The following FAM178B variants were observed in gnomAD, a reference collection of about 807,000 sequenced individuals.
The protein encoded by FAM178B is protein FAM178B.
FAM178B carries 82 observed loss-of-function variants against 91.7 expected under a neutral mutation model. The observed-to-expected ratio is 0.89, with a 90% CI of 0.75 to 1.07. The LOEUF is 1.07. Ranked by LOEUF, FAM178B falls within the 50% of genes least tolerant of loss-of-function variation. FAM178B has a pLI of 0.00. For synonymous variants in FAM178B, 368 were observed against 359.4 expected, an observed-to-expected ratio of 1.02 and a Z score of -0.27; for missense variants, 769 against 846.7, an observed-to-expected ratio of 0.91 and a Z score of 1.14.
At chr2:96,924,613 C>T (rs534595955) in intron 9 of FAM178B, among the ~76,000 whole-genome samples, 9 of 152,332 alleles carry the variant, frequency 5.9e-5, no homozygotes, top group South Asian at 4.1e-4. Flanking sequence ...CTCCCAGGCA[C>T]GCGCTCACAG....
At position 96,878,050 on chromosome 2, in the gene FAM178B, G is replaced by C; in HGVS notation, c.1855-8C>G. On this transcript the variant is annotated splice_region_variant and splice_polypyrimidine_tract_variant and intron_variant, in intron 15 of 16. Transcript: ENST00000490605. ...CAGCAGCTGCAGCTCGCCCTGTGGA[G>C]GCGGAGGGAGGCCAAGAAGCGGGTG... 6.2e-7 allele frequency: 1 copy of C among 1,606,200 alleles called. No individual in the cohort carries two copies. Among genetic ancestry groups the C allele is most frequent in the Non-Finnish European group, 8.5e-7 (1 of 1,179,914 alleles).
intron 1 of FAM178B, among the ~76,000 whole-genome samples, chr2:96,974,585 T>C (rs1184539164): frequency 6.6e-6 from 1 of 152,078 alleles, no homozygotes; most frequent in African/African-American, 2.4e-5. Flanking sequence ...AGATTGGCAA[T>C]ATACATTTAA....
chr2:96,944,604 A>C (rs2081791351), intron 8 of FAM178B, among the ~76,000 whole-genome samples: 1 of 152,200 alleles, frequency 6.6e-6, no homozygotes, highest in Admixed American at 6.5e-5. Flanking sequence ...CAGAATCCAG[A>C]GCCCTGAGAC....
In FAM178B at chr2:96,960,442, T is replaced by A. The variant is rs2082063500; in HGVS notation, c.735-2A>T. On this transcript the variant is annotated splice_acceptor_variant, in intron 5 of 16. Coordinates refer to ENST00000490605, the MANE Select transcript of FAM178B (RefSeq NM_001122646.3). LOFTEE classifies it high-confidence loss of function. Reference sequence around the variant, plus strand: ...ACTGAGTACTTTTCCACCAGCATCCTGGCAAGGCAAGGGGCAGGAGGGCCG... The same window carrying A: ...ACTGAGTACTTTTCCACCAGCATCCAGGCAAGGCAAGGGGCAGGAGGGCCG... 1 of 1,538,252 alleles carries A rather than the reference T, an allele frequency of 6.5e-7. No homozygotes were observed. Among genetic ancestry groups the A allele is most frequent in the African/African-American group, 1.4e-5 (1 of 72,828 alleles).
Position 96,940,197 on chromosome 2 carries a change from C to G in FAM178B, c.1078+7621G>C, listed in dbSNP as rs185910739. Among the ~76,000 whole-genome samples, 233 of 152,264 alleles carry G rather than the reference C, an allele frequency of 1.5e-3. 1 individual carries two copies. The highest frequency in any genetic ancestry group is 2.4e-3 in the Admixed American group (37 of 15,302). On this transcript the variant is annotated intron_variant, in intron 8 of 16. Coordinates refer to ENST00000490605, the MANE Select transcript of FAM178B (RefSeq NM_001122646.3). ...TCTCTGGGCCTGAGGACAATGGGAC[C>G]AGCCCTGTGGAATCAGGGAGTAAAG...
intron 5 of FAM178B, among the ~76,000 whole-genome samples, chr2:96,961,390 C>CA (rs1218162659): frequency 2.6e-5 from 4 of 152,038 alleles, no homozygotes; most frequent in Non-Finnish European, 5.9e-5. Flanking sequence ...CATGCTCAGA[C>CA]ACGTGCAACG....
intron 8 of FAM178B, among the ~76,000 whole-genome samples, chr2:96,931,486 G>A (rs996380221): frequency 1.3e-5 from 2 of 152,194 alleles, no homozygotes; most frequent in Admixed American, 6.5e-5. Flanking sequence ...AAATGTGGAA[G>A]GTGGAATGGG....
At chr2:96,950,112 G>A (rs1245445096) in intron 7 of FAM178B, 55 of 985,390 alleles carry the variant, frequency 5.6e-5, no homozygotes, top group Non-Finnish European at 6.3e-5. Context: ...GGAAGAAACC[G>A]ACACGCCCCC....
At chr2:96,887,757 A>G (rs2080564329) in intron 14 of FAM178B, among the ~76,000 whole-genome samples, 1 of 152,150 alleles carries the variant, frequency 6.6e-6, no homozygotes, top group Non-Finnish European at 1.5e-5. Flanking sequence ...AGCGTTGTCC[A>G]GGAAGAGTTA....
chr2:96,976,477 A>G (rs34434950), intron 1 of FAM178B, among the ~76,000 whole-genome samples: 123,263 of 152,028 alleles, frequency 0.81, 51,197 homozygotes, highest in Non-Finnish European at 0.88. Context: ...TAATATCCAA[A>G]AGAACTGAAA....
intron 12 of FAM178B, among the ~76,000 whole-genome samples, chr2:96,915,794 C>T (rs377205796): frequency 2.1e-5 from 3 of 144,288 alleles, no homozygotes; most frequent in Non-Finnish European, 3.0e-5. Flanking sequence ...CCAGCCTGGG[C>T]GACAGAGTGG....
intron 14 of FAM178B, among the ~76,000 whole-genome samples, chr2:96,883,632 C>A (rs914780420): frequency 6.6e-6 from 1 of 152,162 alleles, no homozygotes; most frequent in Admixed American, 6.5e-5. Flanking sequence ...GGGGGGAGAA[C>A]CAAGGCTGAC....
chr2:96,928,978 C>T (rs901579490), intron 9 of FAM178B, among the ~76,000 whole-genome samples: 5 of 152,038 alleles, frequency 3.3e-5, no homozygotes, highest in Admixed American at 1.3e-4. Flanking sequence ...AGGGAGACCC[C>T]CCCCCGCCAC....
In FAM178B at chr2:96,958,697, T is replaced by TAA. The variant is rs55924441; in HGVS notation, c.887+1589_887+1590dup. On this transcript the variant is annotated intron_variant, in intron 6 of 16. Transcript: ENST00000490605. Reference sequence around the variant, plus strand: ...AGAGTGAGACTCCATCTCAAAATACTAAAAAAAAAAAAAAAAAAAAAAAAA... The same window carrying TAA: ...AGAGTGAGACTCCATCTCAAAATACTAAAAAAAAAAAAAAAAAAAAAAAAAAA... 1.9e-3 allele frequency among the ~76,000 whole-genome samples: 106 copies of TAA among 55,528 alleles called. 7 individuals carry two copies. Among genetic ancestry groups the TAA allele is most frequent in the East Asian group, 6.7e-3 (8 of 1,186 alleles). 36.4% of individuals were successfully genotyped at this position (55,528 alleles called of 152,430 possible). A position where few individuals can be genotyped will look rare whatever the true frequency, so the allele number is the denominator to read the frequency against.
chr2:96,940,547 C>G lies in FAM178B; in HGVS notation c.1078+7271G>C, dbSNP rs372487359. On this transcript the variant is annotated intron_variant, in intron 8 of 16. Transcript: ENST00000490605. ...CGTGTGAAATGTGCCAGACCCTCCC[C>G]ACCCACAGCCCACAAAGAGTACCTA... is the stretch of plus-strand genomic sequence containing the variant. Among the ~76,000 whole-genome samples, 187 of 152,338 alleles carry G rather than the reference C, an allele frequency of 1.2e-3. 2 individuals are homozygous for G. In the South Asian group the frequency reaches 0.038, roughly 31 times the overall value.
At chr2:96,884,717 G>A (rs187464192) in intron 14 of FAM178B, among the ~76,000 whole-genome samples, 142 of 152,324 alleles carry the variant, frequency 9.3e-4, no homozygotes, top group African/African-American at 3.4e-3. Context: ...TGCCCCATGA[G>A]CAAACCGCAC....
At chr2:96,896,737 G>A (rs2080831588) in intron 13 of FAM178B, among the ~76,000 whole-genome samples, 1 of 152,184 alleles carries the variant, frequency 6.6e-6, no homozygotes, top group Admixed American at 6.5e-5. Context: ...CCAACGACCT[G>A]CCTGCTGCTT....
intron 4 of FAM178B, among the ~76,000 whole-genome samples, chr2:96,970,473 G>C (rs1308696308): frequency 2.0e-5 from 3 of 152,206 alleles, no homozygotes; most frequent in African/African-American, 4.8e-5. Flanking sequence ...GGGCAGAATG[G>C]AGCCAAGGTG....
chr2:96,936,534 G>A (rs2081634953), intron 8 of FAM178B, among the ~76,000 whole-genome samples: 1 of 142,348 alleles, frequency 7.0e-6, no homozygotes, highest in African/African-American at 2.7e-5. Context: ...TTTTGAGACA[G>A]AGCTTTGTTC....
Sources: gnomAD v4.1 joint callset for allele counts (sites outside exome capture counted in the v4.1 genomes callset) on GRCh38, gnomAD v4.1.1 for gene constraint, MANE v1.5 for transcripts, NCBI Gene and HGNC (gene_info 2026-07-23, HGNC 2026-07-21) for gene names.